Variants in SKAP2 observed in about 807,000 individuals in gnomAD.
SKAP2 encodes the protein src kinase-associated phosphoprotein 2.
SKAP2 carries 28 observed loss-of-function variants against 54.9 expected under a neutral mutation model. The observed-to-expected ratio is 0.51, with a 90% CI of 0.38 to 0.70. The LOEUF is 0.70. Among genes scored for constraint, SKAP2 ranks in the 30% least tolerant of loss-of-function variants. The pLI is 0.00. For missense variants in SKAP2, 356 were observed against 424.1 expected (o/e 0.84, Z 1.41); for synonymous variants, 137 against 134.3 (o/e 1.02, Z -0.14).
chr7:26,804,537 G>A (rs1429057434), intron 4 of SKAP2, among the ~76,000 whole-genome samples: 2 of 152,126 alleles, frequency 1.3e-5, no homozygotes, highest in Admixed American at 6.5e-5. Flanking sequence ...TCAGGAGATT[G>A]AGACCATCCT....
intron 4 of SKAP2, among the ~76,000 whole-genome samples, chr7:26,774,316 A>T (rs1783254212): frequency 6.6e-6 from 1 of 152,120 alleles, no homozygotes; most frequent in African/African-American, 2.4e-5. Flanking sequence ...CCGTCTCAAA[A>T]AAATAAAAAA....
chr7:26,713,383 G>A (rs1562584123), intron 9 of SKAP2, among the ~76,000 whole-genome samples: 1 of 152,064 alleles, frequency 6.6e-6, no homozygotes, highest in East Asian at 1.9e-4. Context: ...ACCTAGAACA[G>A]AATCTGACAT....
chr7:26,851,809 T>C (rs541755182), intron 3 of SKAP2, among the ~76,000 whole-genome samples: 1 of 151,924 alleles, frequency 6.6e-6, no homozygotes, highest in Non-Finnish European at 1.5e-5. Flanking sequence ...AAGGGAAGGA[T>C]TTGTGAGGGA....
At chr7:26,768,704 C>T (rs1783118797) in intron 4 of SKAP2, among the ~76,000 whole-genome samples, 1 of 152,074 alleles carries the variant, frequency 6.6e-6, no homozygotes, top group African/African-American at 2.4e-5. Flanking sequence ...TTTTATTTCT[C>T]CTTGGCTTGT....
rs1783525578 is a variant in SKAP2, at chr7:26,785,471, C to A, written c.308-45507G>T. ...AAAGTGCTGGGATTACAGGCATGAG[C>A]CATCGCGCCCGGCCGAGGAAACAAA... On this transcript the variant is annotated intron_variant, in intron 4 of 12. Transcript: ENST00000345317. 2.6e-5 allele frequency among the ~76,000 whole-genome samples: 4 copies of A among 152,198 alleles called. No homozygotes were observed. The South Asian group carries it at 8.3e-4, about 31-fold the overall frequency.
chr7:26,755,683 T>G (rs1025500660), intron 4 of SKAP2, among the ~76,000 whole-genome samples: 31 of 152,308 alleles, frequency 2.0e-4, no homozygotes, highest in African/African-American at 6.7e-4. Flanking sequence ...CCTAGATTAG[T>G]GCCTGGGACA....
chr7:26,669,908 T>C (rs1786191351), intron 12 of SKAP2, among the ~76,000 whole-genome samples, 183 bp downstream of exon 12: 1 of 152,156 alleles, frequency 6.6e-6, no homozygotes, highest in Non-Finnish European at 1.5e-5. Context: ...TTCCATAAAG[T>C]TTTTATTTTA....
chr7:26,686,224 T>C (rs1232307673), intron 10 of SKAP2, among the ~76,000 whole-genome samples: 1 of 152,174 alleles, frequency 6.6e-6, no homozygotes, highest in Non-Finnish European at 1.5e-5. Context: ...GAATGCTACT[T>C]TTTGCTTATA....
chr7:26,837,131 A>G (rs1382691520), intron 4 of SKAP2, among the ~76,000 whole-genome samples: 1 of 152,136 alleles, frequency 6.6e-6, no homozygotes, highest in East Asian at 1.9e-4. Flanking sequence ...TGGGAGTTGA[A>G]CAATGAGAAC....
At chr7:26,816,945 GT>G (rs1784277399) in intron 4 of SKAP2, among the ~76,000 whole-genome samples, 1 of 152,102 alleles carries the variant, frequency 6.6e-6, no homozygotes, top group Non-Finnish European at 1.5e-5. Flanking sequence ...CTGAACCCCT[GT>G]TGTGGGCACA....
intron 9 of SKAP2, among the ~76,000 whole-genome samples, chr7:26,702,207 T>A (rs578009662): frequency 6.6e-6 from 1 of 152,142 alleles, no homozygotes; most frequent in African/African-American, 2.4e-5. Context: ...CAAGTTGGAG[T>A]GCAGTGGCAT....
chr7:26,699,539 A>G (rs1786977944), intron 9 of SKAP2, among the ~76,000 whole-genome samples: 1 of 152,170 alleles, frequency 6.6e-6, no homozygotes, highest in Admixed American at 6.5e-5. Flanking sequence ...TTAATTTCCA[A>G]TAGGGTAAAT....
chr7:26,849,571 G>C (rs1158976390), intron 3 of SKAP2, among the ~76,000 whole-genome samples: 1 of 151,696 alleles, frequency 6.6e-6, no homozygotes, highest in Admixed American at 6.6e-5. Context: ...TGTAATCCCA[G>C]CTACTCGGGA....
intron 4 of SKAP2, among the ~76,000 whole-genome samples, chr7:26,762,309 C>G (rs1182033870): frequency 6.6e-6 from 1 of 151,956 alleles, no homozygotes; most frequent in East Asian, 1.9e-4. Context: ...AAAAAATCCA[C>G]ACATCTGTTA....
intron 6 of SKAP2, among the ~76,000 whole-genome samples, chr7:26,736,882 G>A (rs12055950): frequency 0.055 from 8,350 of 151,440 alleles, 403 homozygotes; most frequent in East Asian, 0.28. Context: ...GTGACAGAGT[G>A]AGGCCCCCGC....
intron 4 of SKAP2, among the ~76,000 whole-genome samples, chr7:26,822,675 A>G (rs888162020): frequency 6.6e-6 from 1 of 151,634 alleles, no homozygotes; most frequent in Admixed American, 6.6e-5. Context: ...GGAGATCGAG[A>G]CCATCCTGGC....
At chr7:26,764,385 C>T (rs923302670) in intron 4 of SKAP2, among the ~76,000 whole-genome samples, 20 of 152,166 alleles carry the variant, frequency 1.3e-4, no homozygotes, top group Non-Finnish European at 7.3e-5. Flanking sequence ...CCGTAAACTT[C>T]GTGTGCGTTC....
intron 3 of SKAP2, among the ~76,000 whole-genome samples, chr7:26,851,205 C>T (rs1785032776): frequency 6.7e-6 from 1 of 150,240 alleles, no homozygotes; most frequent in Admixed American, 6.7e-5. Context: ...ATCTCTTTAG[C>T]CCAGGAACTC....
At chr7:26,852,932 C>A (rs1308387941) in intron 3 of SKAP2, among the ~76,000 whole-genome samples, 1 of 152,082 alleles carries the variant, frequency 6.6e-6, no homozygotes, top group Non-Finnish European at 1.5e-5. Context: ...TGCATAAATT[C>A]ATTTATACAT....
Sources: gnomAD v4.1 joint callset for allele counts (sites outside exome capture counted in the v4.1 genomes callset) on GRCh38, gnomAD v4.1.1 for gene constraint, MANE v1.5 for transcripts, NCBI Gene and HGNC (gene_info 2026-07-23, HGNC 2026-07-21) for gene names.